SPACA9: variants seen among roughly 807,000 people sequenced by gnomAD.
SPACA9 encodes sperm acrosome-associated protein 9.
A neutral mutation model predicts 12.5 loss-of-function variants in SPACA9; 14 were observed. The ratio of observed to expected loss-of-function variants is 1.12; its 90% CI spans 0.74 to 1.75. SPACA9 has a LOEUF of 1.75. Ranked by LOEUF, SPACA9 falls within the 40% of genes most tolerant of loss-of-function variation. SPACA9 has a pLI of 0.00. For missense variants in SPACA9, 292 were observed against 291.9 expected, an observed-to-expected ratio of 1.00 and a Z score of 0.00; for synonymous variants, 111 against 114.1, an observed-to-expected ratio of 0.97 and a Z score of 0.17.
chr9:132,881,149 A>T (rs2131478156), intron 1 of SPACA9, among the ~76,000 whole-genome samples: 1 of 151,224 alleles, frequency 6.6e-6, no homozygotes, highest in South Asian at 2.1e-4. Context: ...ACAAATTCTG[A>T]TGTTGCCAGC....
chr9:132,887,349 T>C lies in SPACA9; in HGVS notation c.145-20T>C. 1 of 1,606,216 alleles carries C rather than the reference T, an allele frequency of 6.2e-7. No individual in the cohort carries two copies. The highest frequency in any genetic ancestry group is 1.3e-5 in the African/African-American group (1 of 74,946). ...CCCGGGTTGGCATGTCCCCAGCTCA[T>C]GTGGCGGCGGCCCTTGCAGGTGCAG... On this transcript the variant is annotated intron_variant, in intron 2 of 3. Transcript: ENST00000356311. The surrounding 1 kb of genome is among the most constrained non-coding windows in gnomAD (Gnocchi z 5.4).
At position 132,888,582 on chromosome 9, in the gene SPACA9, C is replaced by A. The variant is rs1238642782; in HGVS notation, c.640C>A (p.Pro214Thr). The A allele has an allele frequency of 6.5e-7, 1 of 1,539,766 alleles. No homozygotes were observed. ...SLKPRGCSKP[P>T]WRPPGGKL Reference sequence around the variant, plus strand: ...CAAACCCAGGGGATGTTCAAAACCACCCTGGAGGCCTCCTGGTGGGAAATT... The same window carrying A: ...CAAACCCAGGGGATGTTCAAAACCAACCTGGAGGCCTCCTGGTGGGAAATT... Residue 214 changes from proline (P) to threonine (T), a missense_variant, in exon 4 of 4, where the codon CCC becomes ACC. Coordinates refer to ENST00000356311, the MANE Select transcript of SPACA9 (RefSeq NM_001316897.2). This position sits in a 1 kb window ranked among gnomAD's most constrained non-coding sequence, Gnocchi z 5.0.
Position 132,889,699 on chromosome 9 carries a change from G to T in SPACA9, c.*1088G>T. 1 of 1,095,078 alleles carries T rather than the reference G, an allele frequency of 9.1e-7. No homozygotes were observed. The highest frequency in any genetic ancestry group is 4.1e-5 in the South Asian group (1 of 24,548). 67.8% of individuals were successfully genotyped at this position (1,095,078 alleles called of 1,614,324 possible). ...CAAAGTGCTGGGATTACAGGTGTGA[G>T]CCACGGCACCTGGCCAGAACTCAGT... is the stretch of plus-strand genomic sequence containing the variant. On this transcript the variant is annotated 3_prime_UTR_variant, in exon 4 of 4. Transcript: ENST00000356311.
In SPACA9 at chr9:132,889,589, T is replaced by TA. The variant is rs199981983; in HGVS notation, c.*978_*979insA. On this transcript the variant is annotated 3_prime_UTR_variant, in exon 4 of 4. Coordinates refer to ENST00000356311, the MANE Select transcript of SPACA9 (RefSeq NM_001316897.2). ...CCTGGCTAATTTATATATATATATA[T>TA]TTTTTAGTAGAGACGGGGCTTCACC... is the stretch of plus-strand genomic sequence containing the variant. 9.6e-3 allele frequency: 3,351 copies of TA among 350,358 alleles called. 107 individuals are homozygous for TA. The highest frequency in any genetic ancestry group is 0.07 in the African/African-American group (3,137 of 44,850). The allele number at this position is 350,358 out of a possible 1,614,324, so 21.7% of individuals were successfully genotyped here.
At chr9:132,880,818 C>A (rs1844397068) in intron 1 of SPACA9, among the ~76,000 whole-genome samples, 1 of 150,390 alleles carries the variant, frequency 6.6e-6, no homozygotes, top group Non-Finnish European at 1.5e-5. Context: ...CAAGGTGCAG[C>A]TATCTTTTTT....
At chr9:132,881,167 T>C (rs113091953) in intron 1 of SPACA9, among the ~76,000 whole-genome samples, 1 of 149,928 alleles carries the variant, frequency 6.7e-6, no homozygotes, top group African/African-American at 2.5e-5. Context: ...AGCTCATGCT[T>C]CTAATCCCAG....
Position 132,888,225 on chromosome 9 carries a change from G to T in SPACA9, c.348-65G>T. ...ACTCTGCTGTGCCTGAGGTGTGGCA[G>T]CTGCTTGCCACGGCATGGCAAGTCC... On this transcript the variant is annotated intron_variant, in intron 3 of 3. Transcript: ENST00000356311. This position sits in a 1 kb window ranked among gnomAD's most constrained non-coding sequence, Gnocchi z 5.0. 2 of 1,549,416 alleles carry T rather than the reference G, an allele frequency of 1.3e-6. No homozygotes were observed. Among genetic ancestry groups the T allele is most frequent in the South Asian group, 2.5e-5 (2 of 81,050 alleles).
Position 132,888,884 on chromosome 9 carries a change from C to G in SPACA9, c.*273C>G. 1.4e-6 allele frequency: 1 copy of G among 725,188 alleles called. No individual in the cohort carries two copies. The highest frequency in any genetic ancestry group is 2.9e-5 in the South Asian group (1 of 34,258). 44.9% of individuals were successfully genotyped at this position (725,188 alleles called of 1,614,324 possible). A position where few individuals can be genotyped will look rare whatever the true frequency, so the allele number is the denominator to read the frequency against. On this transcript the variant is annotated 3_prime_UTR_variant, in exon 4 of 4. Coordinates refer to ENST00000356311, the MANE Select transcript of SPACA9 (RefSeq NM_001316897.2). The surrounding 1 kb of genome is among the most constrained non-coding windows in gnomAD (Gnocchi z 5.0). ...CCAGGTTCACGCCATTCTCCTGCCTCAGCCTCCCAAGTAGCTGGGACTACA... is the reference window on the plus strand; with the variant it reads ...CCAGGTTCACGCCATTCTCCTGCCTGAGCCTCCCAAGTAGCTGGGACTACA...
chr9:132,881,929 A>G (rs1844438953), intron 1 of SPACA9, among the ~76,000 whole-genome samples: 1 of 152,178 alleles, frequency 6.6e-6, no homozygotes, highest in African/African-American at 2.4e-5. Context: ...TGAGCCGGAC[A>G]CCACGGGAGG....
chr9:132,881,405 T>C (rs938570670), intron 1 of SPACA9, among the ~76,000 whole-genome samples: 14 of 150,044 alleles, frequency 9.3e-5, no homozygotes, highest in African/African-American at 3.2e-4. Flanking sequence ...GAGGTCAAGA[T>C]TGCAGTGAGT....
Position 132,887,555 on chromosome 9 carries a change from A to G in SPACA9, c.331A>G (p.Ser111Gly). 1 of 1,614,078 alleles carries G rather than the reference A, an allele frequency of 6.2e-7. No homozygotes were observed. The highest frequency in any genetic ancestry group is 1.3e-5 in the African/African-American group (1 of 75,040). ...KTLVSQSNDLSSLRAKYPHDV... is the reference protein window; with the variant it reads ...KTLVSQSNDLGSLRAKYPHDV... ...CCTCGTTAGCCAAAGCAACGACTTA[A>G]GCAGCCTCAGAGCAAAGTAAGTCCC... The change falls in exon 3 of 4, where the codon AGC becomes GGC. Residue 111 changes from serine to glycine, a missense_variant. By Grantham distance (56) the Ser-to-Gly change is moderately conservative. Coordinates refer to ENST00000356311, the MANE Select transcript of SPACA9 (RefSeq NM_001316897.2). The surrounding 1 kb of genome is among the most constrained non-coding windows in gnomAD (Gnocchi z 5.4).
At position 132,889,786 on chromosome 9, in the gene SPACA9, A is replaced by G; in HGVS notation, c.*1175A>G. On this transcript the variant is annotated 3_prime_UTR_variant, in exon 4 of 4. Transcript: ENST00000356311. Reference sequence around the variant, plus strand: ...ATAAACTCACCTTTCCTTCGCCTTTACTTGGGAGAGGGAGACCATGACAGA... The same window carrying G: ...ATAAACTCACCTTTCCTTCGCCTTTGCTTGGGAGAGGGAGACCATGACAGA... 7.6e-7 allele frequency: 1 copy of G among 1,309,950 alleles called. No homozygotes were observed. 81.1% of individuals were successfully genotyped at this position (1,309,950 alleles called of 1,614,324 possible).
Position 132,887,381 on chromosome 9 carries a change from A to T in SPACA9, c.157A>T (p.Met53Leu). Residue 53 changes from methionine to leucine, a missense_variant, in exon 3 of 4, where the codon ATG becomes TTG. Met to Leu is a conservative substitution (Grantham distance 15). Coordinates refer to ENST00000356311, the MANE Select transcript of SPACA9 (RefSeq NM_001316897.2). The surrounding 1 kb of genome is among the most constrained non-coding windows in gnomAD (Gnocchi z 5.4). Reference protein sequence around the residue: ...ISSIGQVQSYMEHYCNSSTDR... With the variant: ...ISSIGQVQSYLEHYCNSSTDR... ...GCGGCCCTTGCAGGTGCAGAGCTAC[A>T]TGGAACACTACTGCAACAGCTCCAC... 6.2e-7 allele frequency: 1 copy of T among 1,612,262 alleles called. No individual in the cohort carries two copies. The highest frequency in any genetic ancestry group is 8.5e-7 in the Non-Finnish European group (1 of 1,179,966).
At chr9:132,886,239 A>C (rs113939576) in intron 2 of SPACA9, among the ~76,000 whole-genome samples, 218 of 152,338 alleles carry the variant, frequency 1.4e-3, no homozygotes, top group African/African-American at 5.0e-3. Flanking sequence ...TCTGGCCTGG[A>C]CCACAGCCAA....
rs755656682 is a variant in SPACA9 at position 132,887,454 on chromosome 9, A to C, written c.230A>C (p.Asn77Thr). ...LMFLDICSELNKLCQHFEAVH... is the reference protein window; with the variant it reads ...LMFLDICSELTKLCQHFEAVH... ...TTCCTGGACATCTGTTCAGAGCTGA[A>C]TAAGCTCTGCCAGCACTTTGAGGCC... is the stretch of plus-strand genomic sequence containing the variant. The change falls in exon 3 of 4, where the codon AAT becomes ACT. Residue 77 changes from asparagine (N) to threonine (T), a missense_variant. Transcript: ENST00000356311. This position sits in a 1 kb window ranked among gnomAD's most constrained non-coding sequence, Gnocchi z 5.4. 1.2e-5 allele frequency: 19 copies of C among 1,613,550 alleles called. No homozygotes were observed. Among genetic ancestry groups the C allele is most frequent in the African/African-American group, 6.7e-5 (5 of 74,912 alleles).
intron 1 of SPACA9, among the ~76,000 whole-genome samples, chr9:132,879,239 C>G (rs76110257): frequency 1.4e-3 from 212 of 152,284 alleles, no homozygotes; most frequent in Admixed American, 3.5e-3. Context: ...TTTTATTAGT[C>G]GCAACACTGA....
At chr9:132,885,306 G>A (rs1255742273) in intron 2 of SPACA9, among the ~76,000 whole-genome samples, 1 of 151,554 alleles carries the variant, frequency 6.6e-6, no homozygotes, top group Non-Finnish European at 1.5e-5. Flanking sequence ...CTGAGGCCAG[G>A]AGTGGAGACC....
At position 132,889,569 on chromosome 9, in the gene SPACA9, C is replaced by G. The variant is rs1292002183; in HGVS notation, c.*958C>G. ...TACAGGCGCCCACCACCCCACCTGG[C>G]TAATTTATATATATATATATTTTTT... On this transcript the variant is annotated 3_prime_UTR_variant, in exon 4 of 4. Transcript: ENST00000356311. The G allele has an allele frequency of 2.8e-6, 1 of 359,252 alleles. No individual in the cohort carries two copies. The highest frequency in any genetic ancestry group is 2.2e-5 in the African/African-American group (1 of 44,856). 22.3% of individuals were successfully genotyped at this position (359,252 alleles called of 1,614,324 possible).
At chr9:132,886,114 G>C (rs1413082484) in intron 2 of SPACA9, among the ~76,000 whole-genome samples, 1 of 152,248 alleles carries the variant, frequency 6.6e-6, no homozygotes, top group Non-Finnish European at 1.5e-5. Flanking sequence ...AACGGTTACA[G>C]CAAGAAAACC....
Sources: allele counts gnomAD v4.1 joint callset (sites outside exome capture counted in the v4.1 genomes callset), GRCh38; gene constraint gnomAD v4.1.1; non-coding constraint Gnocchi (gnomAD v3.1); transcripts MANE v1.5; gene names NCBI Gene and HGNC (gene_info 2026-07-23, HGNC 2026-07-21).